IPO11: variants seen among roughly 807,000 people sequenced by gnomAD.
IPO11 encodes importin-11.
A neutral mutation model predicts 143.2 loss-of-function variants in IPO11; 66 were observed. The ratio of observed to expected loss-of-function variants is 0.46; its 90% CI spans 0.38 to 0.57. The LOEUF is 0.57. Among genes scored for constraint, IPO11 ranks in the 20% least tolerant of loss-of-function variants. IPO11 has a pLI of 0.00. For missense variants in IPO11, 1,026 were observed against 1,141.0 expected (o/e 0.90, Z 1.45); for synonymous variants, 385 against 377.8 (o/e 1.02, Z -0.22).
intron 1 of IPO11, among the ~76,000 whole-genome samples, chr5:62,435,172 G>GTATATGTGTA (rs1744161618): frequency 1.1e-5 from 1 of 88,312 alleles, no homozygotes; most frequent in African/African-American, 5.0e-5. Context: ...GTATATATAT[G>GTATATGTGTA]TATATATGTA....
chr5:62,540,026 T>C (rs1742874044), intron 24 of IPO11, among the ~76,000 whole-genome samples: 1 of 152,242 alleles, frequency 6.6e-6, no homozygotes, highest in Non-Finnish European at 1.5e-5. Context: ...TATGTATGCC[T>C]GTTTTAACCT....
At chr5:62,452,454 A>G (rs1744967417) in intron 5 of IPO11, among the ~76,000 whole-genome samples, 1 of 150,908 alleles carries the variant, frequency 6.6e-6, no homozygotes, top group Admixed American at 6.6e-5. Flanking sequence ...TTTGAGGCAA[A>G]GGAAGTAGTT....
chr5:62,473,105 C>T (rs941013403), intron 7 of IPO11, among the ~76,000 whole-genome samples: 1 of 152,060 alleles, frequency 6.6e-6, no homozygotes, highest in Non-Finnish European at 1.5e-5. Context: ...TTATTGTCAA[C>T]TATGCTTTAA....
chr5:62,496,542 G>C (rs1741166058), intron 16 of IPO11, among the ~76,000 whole-genome samples: 1 of 152,058 alleles, frequency 6.6e-6, no homozygotes, highest in African/African-American at 2.4e-5. Flanking sequence ...GTAAACCTTG[G>C]CCTTTTTAAA....
chr5:62,583,418 A>G (rs1472266491), intron 27 of IPO11, among the ~76,000 whole-genome samples: 5 of 152,176 alleles, frequency 3.3e-5, no homozygotes, highest in Admixed American at 2.6e-4. Context: ...AAATTCCTAA[A>G]TTCAAAAAAG....
intron 29 of IPO11, among the ~76,000 whole-genome samples, chr5:62,617,393 C>T (rs1746180165): frequency 6.6e-6 from 1 of 152,188 alleles, no homozygotes; most frequent in Non-Finnish European, 1.5e-5. Context: ...AGTATATTCT[C>T]TCCCATAGTG....
chr5:62,525,266 C>A lies in IPO11; in HGVS notation c.1897-876C>A, dbSNP rs530724781. On this transcript the variant is annotated intron_variant, in intron 20 of 29. Coordinates refer to ENST00000325324, the MANE Select transcript of IPO11 (RefSeq NM_016338.5). The stretch of plus-strand genomic sequence containing the variant: ...AGATATCTAGATATTTAAAAAAATT[C>A]TTTGACATGTGGAATTGTTATACAC... 1.6e-4 allele frequency among the ~76,000 whole-genome samples: 24 copies of A among 151,774 alleles called. No individual in the cohort carries two copies. The South Asian group carries it at 4.8e-3, about 30-fold the overall frequency.
At position 62,503,351 on chromosome 5, in the gene IPO11, T is replaced by TAATATATTAATAGTATCTAC. The variant is rs1561338215; in HGVS notation, c.1591-1316_1591-1315insAATATATTAATAGTATCTAC. 8.0e-4 allele frequency among the ~76,000 whole-genome samples: 85 copies of TAATATATTAATAGTATCTAC among 105,944 alleles called. 1 individual carries two copies. Among genetic ancestry groups the TAATATATTAATAGTATCTAC allele is most frequent in the African/African-American group, 2.2e-3 (60 of 27,096 alleles). The allele number at this position is 105,944 out of a possible 152,430, so 69.5% of individuals were successfully genotyped here. ...TCTACTAATATATTAATAGTATCTATTAATATATTAATAGTATCTACTAAT... is the reference window on the plus strand; with the variant it reads ...TCTACTAATATATTAATAGTATCTATAATATATTAATAGTATCTACTAATATATTAATAGTATCTACTAAT... On this transcript the variant is annotated intron_variant, in intron 16 of 29. Coordinates refer to ENST00000325324, the MANE Select transcript of IPO11 (RefSeq NM_016338.5).
At chr5:62,521,946 A>G (rs989825244) in intron 20 of IPO11, among the ~76,000 whole-genome samples, 2 of 152,138 alleles carry the variant, frequency 1.3e-5, no homozygotes, top group African/African-American at 4.8e-5. Flanking sequence ...ATTACCAAAG[A>G]TATTAATGAT....
intron 27 of IPO11, among the ~76,000 whole-genome samples, chr5:62,578,446 C>G (rs1475585348): frequency 6.6e-6 from 1 of 151,892 alleles, no homozygotes; most frequent in Non-Finnish European, 1.5e-5. Context: ...TTGTATTACT[C>G]GATATACATC....
intron 29 of IPO11, among the ~76,000 whole-genome samples, chr5:62,624,980 CAAAAAAAAAA>C (rs141431600): frequency 4.5e-5 from 4 of 89,716 alleles, no homozygotes; most frequent in Non-Finnish European, 8.7e-5. Context: ...GCGAGAGACT[CAAAAAAAAAA>C]AAAAAAAAAA....
chr5:62,448,428 T>C (rs1229117420), intron 3 of IPO11, among the ~76,000 whole-genome samples: 1 of 152,262 alleles, frequency 6.6e-6, no homozygotes, highest in Non-Finnish European at 1.5e-5. Flanking sequence ...ACAACTATAT[T>C]CAAGACATTT....
At chr5:62,421,758 A>G (rs6880262) in intron 1 of IPO11, among the ~76,000 whole-genome samples, 4,891 of 152,326 alleles carry the variant, frequency 0.032, 260 homozygotes, top group African/African-American at 0.11. Flanking sequence ...TTAATGATAA[A>G]ATGTAGAATA....
intron 27 of IPO11, chr5:62,581,235 G>T (rs1405308850): frequency 2.6e-6 from 4 of 1,542,280 alleles, no homozygotes; most frequent in Non-Finnish European, 3.5e-6. Flanking sequence ...GCTTGGAGCA[G>T]ATTCGACTTC....
intron 3 of IPO11, among the ~76,000 whole-genome samples, chr5:62,448,460 A>G (rs1744795706): frequency 6.6e-6 from 1 of 152,228 alleles, no homozygotes. Context: ...GTTTTACTCT[A>G]AAATGTTTAG....
intron 25 of IPO11, among the ~76,000 whole-genome samples, 190 bp from the exon 26 acceptor site, chr5:62,551,033 A>ATG (rs904870663): frequency 8.0e-5 from 12 of 150,464 alleles, no homozygotes; most frequent in African/African-American, 2.9e-4. Flanking sequence ...ATATATATAT[A>ATG]TATATGGTGC....
At chr5:62,610,579 C>T (rs958975329) in intron 29 of IPO11, among the ~76,000 whole-genome samples, 70 of 152,192 alleles carry the variant, frequency 4.6e-4, no homozygotes, top group African/African-American at 1.6e-3. Flanking sequence ...AATCCTCACA[C>T]TCCATTCTTT....
At chr5:62,626,436 C>T (rs572011221) in intron 29 of IPO11, among the ~76,000 whole-genome samples, 12 of 152,212 alleles carry the variant, frequency 7.9e-5, no homozygotes, top group Non-Finnish European at 1.2e-4. Flanking sequence ...CCAGTTTTTC[C>T]GGTAACACTC....
At chr5:62,582,330 C>T (rs1250415796) in intron 27 of IPO11, among the ~76,000 whole-genome samples, 1 of 152,064 alleles carries the variant, frequency 6.6e-6, no homozygotes, top group Admixed American at 6.6e-5. Context: ...AATGAACTGC[C>T]TTGGTGATTG....
Sources: gnomAD v4.1 joint callset for allele counts (sites outside exome capture counted in the v4.1 genomes callset) on GRCh38, gnomAD v4.1.1 for gene constraint, MANE v1.5 for transcripts, NCBI Gene and HGNC (gene_info 2026-07-23, HGNC 2026-07-21) for gene names.